RAB11A: variants seen among roughly 807,000 people sequenced by gnomAD.
RAB11A encodes the protein ras-related protein Rab-11A.
Under a neutral mutation model 28.0 loss-of-function variants are expected in RAB11A, and 9 were observed. The observed-to-expected ratio is 0.32, with a 90% CI of 0.19 to 0.56. The LOEUF (loss-of-function observed/expected upper bound fraction) is 0.56, where lower values mean the gene tolerates loss of function less well. Ranked by LOEUF, RAB11A falls within the 20% of genes least tolerant of loss-of-function variation. The pLI is 0.91. For synonymous variants in RAB11A, 85 were observed against 88.2 expected (o/e 0.96, Z 0.20); for missense variants, 108 against 269.6 (o/e 0.40, Z 4.20).
chr15:65,879,645 G>T (rs776131586), intron 3 of RAB11A, 26 bp from the exon 4 acceptor site: 1 of 1,526,588 alleles, frequency 6.6e-7, no homozygotes, highest in East Asian at 2.3e-5. Context: ...AACTTAACAA[G>T]ACTGAACTTT....
Position 65,887,781 on chromosome 15 carries a change from A to G in RAB11A, c.592A>G (p.Ile198Val). 1.2e-6 allele frequency: 2 copies of G among 1,613,836 alleles called. No homozygotes were observed. Among genetic ancestry groups the G allele is most frequent in the Non-Finnish European group, 1.7e-6 (2 of 1,179,858 alleles). The change falls in exon 5 of 5, where the codon ATT (isoleucine) becomes GTT (valine). Residue 198 changes from isoleucine (I) to valine (V), a missense_variant. Ile to Val is a conservative substitution (Grantham distance 29, BLOSUM62 3). Transcript: ENST00000261890. Reference sequence around the variant, plus strand: ...GTCTCCAAGCAACAATGTGGTTCCTATTCATGTTCCACCAACCACTGAAAA... The same window carrying G: ...GTCTCCAAGCAACAATGTGGTTCCTGTTCATGTTCCACCAACCACTGAAAA... ...DMSPSNNVVPIHVPPTTENKP... is the reference protein window; with the variant it reads ...DMSPSNNVVPVHVPPTTENKP...
chr15:65,869,897 C>A (rs1567135548), intron 1 of RAB11A: 3 of 337,764 alleles, frequency 8.9e-6, no homozygotes, highest in Non-Finnish European at 5.4e-6. Flanking sequence ...ACTGCCTTCT[C>A]CCACATCGTC....
At chr15:65,881,339 A>C (rs1237931744) in intron 4 of RAB11A, among the ~76,000 whole-genome samples, 1 of 152,200 alleles carries the variant, frequency 6.6e-6, no homozygotes, top group Non-Finnish European at 1.5e-5. Context: ...CAGGAGTTCT[A>C]GGGCATTACA....
chr15:65,875,227 C>T (rs971755539), intron 1 of RAB11A, among the ~76,000 whole-genome samples: 2 of 152,060 alleles, frequency 1.3e-5, no homozygotes, highest in Non-Finnish European at 2.9e-5. Flanking sequence ...CATGCACCAC[C>T]GTGCCTGTCT....
chr15:65,886,839 A>G (rs1214703779), intron 4 of RAB11A, among the ~76,000 whole-genome samples: 2 of 152,266 alleles, frequency 1.3e-5, no homozygotes, highest in African/African-American at 2.4e-5. Flanking sequence ...GATAAGTGTC[A>G]TGAAATAAAA....
intron 1 of RAB11A, among the ~76,000 whole-genome samples, chr15:65,872,434 CTTTTT>C (rs766926004): frequency 3.7e-5 from 5 of 136,120 alleles, no homozygotes; most frequent in African/African-American, 1.3e-4. Context: ...AGGATTTCTA[CTTTTT>C]TTTTTTTTTT....
At chr15:65,879,133 C>T (rs2078206099) in intron 3 of RAB11A, among the ~76,000 whole-genome samples, 1 of 151,942 alleles carries the variant, frequency 6.6e-6, no homozygotes, top group Admixed American at 6.6e-5. Flanking sequence ...GCTGAGACTG[C>T]TGGTGTGTGT....
intron 1 of RAB11A, among the ~76,000 whole-genome samples, chr15:65,872,208 C>A (rs2078166433): frequency 1.3e-5 from 2 of 151,978 alleles, no homozygotes; most frequent in Non-Finnish European, 1.5e-5. Context: ...CCTTCCTCAG[C>A]CTCCCCAAGT....
intron 4 of RAB11A, among the ~76,000 whole-genome samples, chr15:65,884,467 A>G (rs1235237329): frequency 6.6e-6 from 1 of 152,194 alleles, no homozygotes; most frequent in Admixed American, 6.5e-5. Context: ...GTTCTTACAT[A>G]AAAAACAAAT....
intron 1 of RAB11A, among the ~76,000 whole-genome samples, chr15:65,875,045 CAAAAAAAG>C (rs1223295517): frequency 6.6e-6 from 1 of 150,986 alleles, no homozygotes; most frequent in Non-Finnish European, 1.5e-5. Flanking sequence ...GACCCTGTCT[CAAAAAAAG>C]AAAGAAAGAA....
intron 1 of RAB11A, among the ~76,000 whole-genome samples, chr15:65,873,620 C>T (rs2078176324): frequency 6.6e-6 from 1 of 152,020 alleles, no homozygotes; most frequent in Non-Finnish European, 1.5e-5. Context: ...ATGGCACAGT[C>T]ATAGCCCACT....
Position 65,877,441 on chromosome 15 carries a change from A to C in RAB11A, c.150A>C (p.Thr50=), listed in dbSNP as rs2141103478. The C allele has an allele frequency of 1.2e-6, 2 of 1,614,148 alleles. No homozygotes were observed. Among genetic ancestry groups the C allele is most frequent in the Non-Finnish European group, 1.7e-6 (2 of 1,179,990 alleles). Residue 50 remains threonine, a synonymous_variant, in exon 2 of 5, where the codon ACA becomes ACC. Coordinates refer to ENST00000261890, the MANE Select transcript of RAB11A (RefSeq NM_004663.5). The surrounding 1 kb of genome is among the most constrained non-coding windows in gnomAD (Gnocchi z 4.1). ...GCACCATTGGAGTAGAGTTTGCAAC[A>C]AGAAGCATCCAGGTTGATGGAAAAA... The part of the protein sequence containing the change: ...SKSTIGVEFA[T]RSIQVDGKTI...
intron 3 of RAB11A, 31 bp from the exon 4 acceptor site, chr15:65,879,640 A>C: frequency 6.6e-7 from 1 of 1,513,514 alleles, no homozygotes; most frequent in Non-Finnish European, 9.1e-7. Context: ...TTTAAAACTT[A>C]ACAAGACTGA....
Position 65,889,094 on chromosome 15 carries a change from A to C in RAB11A, c.*1254A>C, listed in dbSNP as rs1382119000. 2.0e-5 allele frequency: 3 copies of C among 152,696 alleles called. No homozygotes were observed. Among genetic ancestry groups the C allele is most frequent in the African/African-American group, 7.2e-5 (3 of 41,470 alleles). 9.5% of individuals were successfully genotyped at this position (152,696 alleles called of 1,614,324 possible). On this transcript the variant is annotated 3_prime_UTR_variant, in exon 5 of 5. Transcript: ENST00000261890. The stretch of plus-strand genomic sequence containing the variant: ...TTAGTTTTGCTTTCTCGTGGATAAT[A>C]TTAAGCACTTACTCTGCAGTTTCCT...
chr15:65,873,805 G>T (rs2078177272), intron 1 of RAB11A, among the ~76,000 whole-genome samples: 2 of 151,914 alleles, frequency 1.3e-5, no homozygotes, highest in Non-Finnish European at 1.5e-5. Context: ...GCCCAGGCTG[G>T]TCTCAAACTC....
chr15:65,878,158 A>G (rs1268606264), intron 3 of RAB11A: 2 of 649,406 alleles, frequency 3.1e-6, no homozygotes, highest in Non-Finnish European at 2.8e-6. Flanking sequence ...AAAAATGAAT[A>G]TAAACATTGT....
rs2078144902 is a variant in RAB11A, at chr15:65,869,560, C to T, written c.-26C>T. On this transcript the variant is annotated 5_prime_UTR_variant, in exon 1 of 5. Coordinates refer to ENST00000261890, the MANE Select transcript of RAB11A (RefSeq NM_004663.5). ...GGTCCCACAGATACCACTGCTGCTCCCGCCCTTTCGCTCCTCGGCCGCGCA... is the reference window on the plus strand; with the variant it reads ...GGTCCCACAGATACCACTGCTGCTCTCGCCCTTTCGCTCCTCGGCCGCGCA... The T allele has an allele frequency of 2.5e-6, 4 of 1,608,822 alleles. No homozygotes were observed. The highest frequency in any genetic ancestry group is 2.2e-5 in the East Asian group (1 of 44,836).
rs548168302 is a variant in RAB11A, at chr15:65,869,892, C to T, written c.40+267C>T. 1.6e-3 allele frequency: 546 copies of T among 345,410 alleles called. 3 individuals are homozygous for T. The highest frequency in any genetic ancestry group is 9.1e-3 in the African/African-American group (433 of 47,388). 21.4% of individuals were successfully genotyped at this position (345,410 alleles called of 1,614,324 possible). A position where few individuals can be genotyped will look rare whatever the true frequency, so the allele number is the denominator to read the frequency against. On this transcript the variant is annotated intron_variant, in intron 1 of 4. Coordinates refer to ENST00000261890, the MANE Select transcript of RAB11A (RefSeq NM_004663.5). ...GCGTGTCCTTCCCCTGGCGGACTGC[C>T]TTCTCCCACATCGTCGAATTCCTTT... is the stretch of plus-strand genomic sequence containing the variant.
Position 65,889,812 on chromosome 15 carries a change from C to A in RAB11A, c.*1972C>A, listed in dbSNP as rs896018518. ...AATAAAGTAAACTTAGAATTTTTAC[C>A]CAAGTGTAGACTTAAATGTTGCTTT... On this transcript the variant is annotated 3_prime_UTR_variant, in exon 5 of 5. Coordinates refer to ENST00000261890, the MANE Select transcript of RAB11A (RefSeq NM_004663.5). 6.6e-6 allele frequency: 1 copy of A among 151,968 alleles called. No homozygotes were observed. Among genetic ancestry groups the A allele is most frequent in the Non-Finnish European group, 1.5e-5 (1 of 67,976 alleles). The allele number at this position is 151,968 out of a possible 1,614,324, so 9.4% of individuals were successfully genotyped here. A position where few individuals can be genotyped will look rare whatever the true frequency, so the allele number is the denominator to read the frequency against.
Sources: gnomAD v4.1 joint callset for allele counts (sites outside exome capture counted in the v4.1 genomes callset) on GRCh38, gnomAD v4.1.1 for gene constraint, Gnocchi (gnomAD v3.1) non-coding constraint, MANE v1.5 for transcripts, NCBI Gene and HGNC (gene_info 2026-07-23, HGNC 2026-07-21) for gene names.